Variants in CFAP299 observed in about 807,000 individuals in gnomAD.
CFAP299 encodes the protein cilia and flagella associated protein 299.
A neutral mutation model predicts 27.0 loss-of-function variants in CFAP299; 21 were observed. The observed-to-expected ratio is 0.78, with a 90% CI of 0.55 to 1.12. CFAP299 has a LOEUF of 1.12. Ranked by LOEUF, CFAP299 falls within the 50% of genes most tolerant of loss-of-function variation. The pLI is 0.00. For missense variants in CFAP299, 310 were observed against 276.6 expected (o/e 1.12, Z -0.86); for synonymous variants, 104 against 98.1 (o/e 1.06, Z -0.36).
chr4:80,963,450 A>AT (rs894856733), intron 5 of CFAP299, 67 bp from the exon 6 acceptor site: 31 of 960,118 alleles, frequency 3.2e-5, no homozygotes, highest in Non-Finnish European at 8.6e-6. Context: ...AAAAAATAAA[A>AT]AAAAAATTTT....
chr4:80,347,289 G>A (rs1722780721), intron 1 of CFAP299, among the ~76,000 whole-genome samples: 1 of 152,026 alleles, frequency 6.6e-6, no homozygotes. Flanking sequence ...TGACTGCCCT[G>A]GCCAGAACTT....
chr4:80,959,849 A>G (rs1168774900), intron 5 of CFAP299, among the ~76,000 whole-genome samples: 1 of 151,950 alleles, frequency 6.6e-6, no homozygotes, highest in Non-Finnish European at 1.5e-5. Context: ...ACATTTGGAC[A>G]TTTGATTAAA....
chr4:80,890,137 G>C (rs780862534), intron 4 of CFAP299, among the ~76,000 whole-genome samples: 14 of 152,066 alleles, frequency 9.2e-5, no homozygotes, highest in Non-Finnish European at 1.9e-4. Flanking sequence ...ATAATACTTA[G>C]ACAGGAGGAA....
At chr4:80,446,741 G>A (rs190897876) in intron 2 of CFAP299, among the ~76,000 whole-genome samples, 1 of 152,140 alleles carries the variant, frequency 6.6e-6, no homozygotes, top group African/African-American at 2.4e-5. Context: ...TTTCTCACCT[G>A]GTAGCATTAC....
chr4:80,506,010 A>G lies in CFAP299; in HGVS notation c.243-77083A>G, dbSNP rs561086296. On this transcript the variant is annotated intron_variant, in intron 2 of 5. Transcript: ENST00000358105. ...CACACGTGTGTGCGTGTAAATATAT[A>G]TAAATATATATATAAAAATAATAAC... Among the ~76,000 whole-genome samples, 18 of 147,498 alleles carry G rather than the reference A, an allele frequency of 1.2e-4. 1 individual carries two copies. In the South Asian group the frequency reaches 3.7e-3, roughly 30 times the overall value.
At chr4:80,413,461 T>C (rs1213878776) in intron 2 of CFAP299, among the ~76,000 whole-genome samples, 1 of 152,236 alleles carries the variant, frequency 6.6e-6, no homozygotes, top group Non-Finnish European at 1.5e-5. Flanking sequence ...TTATTACCTT[T>C]AATGAAGCCC....
chr4:80,451,779 C>G (rs536854234), intron 2 of CFAP299, among the ~76,000 whole-genome samples: 1 of 152,284 alleles, frequency 6.6e-6, no homozygotes, highest in South Asian at 2.1e-4. Flanking sequence ...TCTAAACAAA[C>G]TATGCTATTG....
intron 3 of CFAP299, among the ~76,000 whole-genome samples, chr4:80,716,973 C>T (rs77458911): frequency 2.2e-3 from 342 of 152,106 alleles, no homozygotes; most frequent in Non-Finnish European, 4.1e-3. Flanking sequence ...ATGTCTCTGG[C>T]CCTAAATTTA....
At chr4:80,669,982 A>AT (rs1181722930) in intron 3 of CFAP299, among the ~76,000 whole-genome samples, 9 of 150,728 alleles carry the variant, frequency 6.0e-5, no homozygotes, top group South Asian at 2.1e-4. Context: ...ATTTTATGGA[A>AT]TTTTTTTTCA....
At chr4:80,627,078 A>G (rs980221347) in intron 3 of CFAP299, among the ~76,000 whole-genome samples, 4 of 151,944 alleles carry the variant, frequency 2.6e-5, no homozygotes, top group African/African-American at 9.7e-5. Flanking sequence ...TCTGATTAAT[A>G]TAAATGCAAA....
chr4:80,371,778 A>G (rs1178427696), intron 2 of CFAP299, among the ~76,000 whole-genome samples: 1 of 152,170 alleles, frequency 6.6e-6, no homozygotes, highest in Admixed American at 6.5e-5. Flanking sequence ...CACTATTCAT[A>G]TCACTATCAG....
At chr4:80,330,191 C>A in the CFAP299 span, among the ~76,000 whole-genome samples, 1 of 152,126 alleles carries the variant, frequency 6.6e-6, no homozygotes, top group East Asian at 1.9e-4. Context: ...AAGTACATCT[C>A]CCCTGCAGCT....
intron 5 of CFAP299, among the ~76,000 whole-genome samples, chr4:80,959,823 A>G (rs1345977002): frequency 6.6e-6 from 1 of 151,928 alleles, no homozygotes; most frequent in Non-Finnish European, 1.5e-5. Context: ...CAAAAATCAG[A>G]AAAAAATAAT....
intron 3 of CFAP299, among the ~76,000 whole-genome samples, chr4:80,866,059 TTA>T (rs70956073): frequency 0.028 from 1,607 of 58,276 alleles, 42 homozygotes; most frequent in East Asian, 0.038. Context: ...ACTTAAAGTA[TTA>T]TATATATATA....
intron 3 of CFAP299, among the ~76,000 whole-genome samples, chr4:80,844,589 T>C (rs1445209055): frequency 1.3e-5 from 2 of 151,880 alleles, no homozygotes; most frequent in Admixed American, 6.6e-5. Context: ...TCGCCCACTT[T>C]TTGATGGGGT....
At chr4:80,695,602 A>C in intron 3 of CFAP299, among the ~76,000 whole-genome samples, 1 of 152,144 alleles carries the variant, frequency 6.6e-6, no homozygotes, top group East Asian at 1.9e-4. Context: ...ATCAAAAATC[A>C]ACCAGTGTAG....
chr4:80,929,615 T>C (rs1736499531), intron 4 of CFAP299, among the ~76,000 whole-genome samples: 1 of 152,164 alleles, frequency 6.6e-6, no homozygotes, highest in Non-Finnish European at 1.5e-5. Flanking sequence ...TGTACAATCA[T>C]TTTTCCATTC....
At chr4:80,718,060 C>G (rs1356282773) in intron 3 of CFAP299, among the ~76,000 whole-genome samples, 1 of 151,924 alleles carries the variant, frequency 6.6e-6, no homozygotes, top group Non-Finnish European at 1.5e-5. Context: ...ATTTATAGCT[C>G]AGAGAAAGGT....
chr4:80,632,048 C>T (rs2109948336), intron 3 of CFAP299, among the ~76,000 whole-genome samples: 1 of 152,112 alleles, frequency 6.6e-6, no homozygotes, highest in South Asian at 2.1e-4. Flanking sequence ...GAAGAAGAGC[C>T]TCTCTAGAAC....
Sources: allele counts gnomAD v4.1 joint callset (sites outside exome capture counted in the v4.1 genomes callset), GRCh38; gene constraint gnomAD v4.1.1; transcripts MANE v1.5; gene names NCBI Gene and HGNC (gene_info 2026-07-23, HGNC 2026-07-21).